TRIM66: variants seen among roughly 807,000 people sequenced by gnomAD.
TRIM66 encodes tripartite motif-containing protein 66.
A neutral mutation model predicts 148.2 loss-of-function variants in TRIM66; 99 were observed. The ratio of observed to expected loss-of-function variants is 0.67; its 90% confidence interval spans 0.57 to 0.79. TRIM66 has a LOEUF of 0.79. TRIM66 is among the 30% of genes least tolerant of loss of function. The pLI is 0.00. For synonymous variants in TRIM66, 616 were observed against 635.9 expected (o/e 0.97, Z 0.47); for missense variants, 1,666 against 1,697.9 (o/e 0.98, Z 0.33).
At position 8,621,784 on chromosome 11, in the gene TRIM66, C is replaced by A. The variant is rs560560798; in HGVS notation, c.3116G>T (p.Arg1039Leu). Residue 1039 changes from arginine (R) to leucine (L), a missense_variant, in exon 19 of 25, where the codon CGA becomes CTA. By Grantham distance (102) the Arg-to-Leu change is moderately radical (BLOSUM62 -2). Transcript: ENST00000646038. ...AGCACAGATCTTGAGTCGCTCCAGTCGCACATAGGGAATCTTATGCTCACT... is the reference window on the plus strand; with the variant it reads ...AGCACAGATCTTGAGTCGCTCCAGTAGCACATAGGGAATCTTATGCTCACT... Reference protein sequence around the residue: ...FNSEHKIPYVRLERLKICAAS... With the variant: ...FNSEHKIPYVLLERLKICAAS... The A allele has an allele frequency of 4.5e-6, 7 of 1,550,460 alleles. No individual in the cohort carries two copies. Among genetic ancestry groups the A allele is most frequent in the Non-Finnish European group, 5.2e-6 (6 of 1,146,596 alleles).
intron 6 of TRIM66, among the ~76,000 whole-genome samples, chr11:8,667,950 T>C (rs1336145518): frequency 1.3e-5 from 2 of 152,224 alleles, no homozygotes; most frequent in Non-Finnish European, 2.9e-5. Context: ...TGCTGGATCA[T>C]AGGATAATTT....
intron 18 of TRIM66, among the ~76,000 whole-genome samples, chr11:8,622,363 CACATAT>C (rs1467047196): frequency 1.8e-5 from 1 of 55,348 alleles, no homozygotes; most frequent in Non-Finnish European, 4.4e-5. Flanking sequence ...CACACACACA[CACATAT>C]ATATATATAT....
At position 8,624,868 on chromosome 11, in the gene TRIM66, C is replaced by T. The variant is rs1430631211; in HGVS notation, c.2671G>A (p.Ala891Thr). 7 of 1,551,714 alleles carry T rather than the reference C, an allele frequency of 4.5e-6. No individual in the cohort carries two copies. In the Admixed American group the frequency reaches 7.8e-5, roughly 17 times the overall value. Residue 891 changes from alanine (A) to threonine (T), a missense_variant, in exon 16 of 25, where the codon GCT (alanine) becomes ACT (threonine). By Grantham distance (58) the Ala-to-Thr change is moderately conservative. Coordinates refer to ENST00000646038, the MANE Select transcript of TRIM66 (RefSeq NM_001388022.1). ...GPSLMSGHTQ[A>T]VPSLATCPLQ... ...GGACAAGTTGCCAGACTCGGCACAG[C>T]CTGGGTGTGACCAGACATTAGGCTG...
At chr11:8,657,580 C>T (rs2133345090) in intron 6 of TRIM66, among the ~76,000 whole-genome samples, 1 of 152,270 alleles carries the variant, frequency 6.6e-6, no homozygotes, top group Non-Finnish European at 1.5e-5. Flanking sequence ...GATGCTCTAC[C>T]TCCCTATGCC....
In TRIM66 at chr11:8,614,764, G is replaced by C. The variant is rs2141748561; in HGVS notation, c.*3180C>G. On this transcript the variant is annotated 3_prime_UTR_variant, in exon 25 of 25. Coordinates refer to ENST00000646038, the MANE Select transcript of TRIM66 (RefSeq NM_001388022.1). ...AGGGAGGGAGCCAGAGTCCGCTGGT[G>C]GGGGATGGCAGGGACTGCCATGGAA... 1 of 152,598 alleles carries C rather than the reference G, an allele frequency of 6.6e-6. No individual in the cohort carries two copies. The highest frequency in any genetic ancestry group is 1.9e-4 in the East Asian group (1 of 5,202). 9.5% of individuals were successfully genotyped at this position (152,598 alleles called of 1,614,324 possible). A position where few individuals can be genotyped will look rare whatever the true frequency, so the allele number is the denominator to read the frequency against.
chr11:8,625,384 A>C (rs1042496716), intron 15 of TRIM66, among the ~76,000 whole-genome samples, 156 bp from the exon 16 acceptor site: 1 of 152,072 alleles, frequency 6.6e-6, no homozygotes, highest in Non-Finnish European at 1.5e-5. Context: ...CAGGCAATGC[A>C]TGAAGCCCTG....
rs1489332398 is a variant in TRIM66, at chr11:8,638,735, C to T, written c.2229G>A (p.Gln743=). The T allele has an allele frequency of 6.5e-7, 1 of 1,550,288 alleles. No individual in the cohort carries two copies. Among genetic ancestry groups the T allele is most frequent in the Admixed American group, 2.0e-5 (1 of 50,792 alleles). Residue 743 remains glutamine (Q), a synonymous_variant, in exon 15 of 25, where the codon CAG becomes CAA. Coordinates refer to ENST00000646038, the MANE Select transcript of TRIM66 (RefSeq NM_001388022.1). ...TGAGAGGGGTTTCTTCCCCAGACGC[C>T]TGGGGCAAGGCAGCAGCAGTATTCT... is the stretch of plus-strand genomic sequence containing the variant. ...LDKNTAAALP[Q]ASGEETPLSV...
rs1036773751 is a variant in TRIM66 at position 8,621,435 on chromosome 11, G to A, written c.3256-114C>T. 24 of 1,399,424 alleles carry A rather than the reference G, an allele frequency of 1.7e-5. 1 individual carries two copies. In the South Asian group the frequency reaches 2.5e-4, roughly 15 times the overall value. 86.7% of individuals were successfully genotyped at this position (1,399,424 alleles called of 1,614,324 possible). Reference sequence around the variant, plus strand: ...CCTACATGAGAGCCACTTATTCCAGGACCCCAAGCCAGCAAGCCCCATGAA... The same window carrying A: ...CCTACATGAGAGCCACTTATTCCAGAACCCCAAGCCAGCAAGCCCCATGAA... On this transcript the variant is annotated intron_variant, in intron 19 of 24. Coordinates refer to ENST00000646038, the MANE Select transcript of TRIM66 (RefSeq NM_001388022.1).
rs2033469249 is a variant in TRIM66, at chr11:8,612,678, C to T, written c.*5266G>A. The stretch of plus-strand genomic sequence containing the variant: ...GCCCTGATATAAGGAGTCATGCTGA[C>T]TCCAGCTGAGCCCCAGCAAGGGAGC... On this transcript the variant is annotated 3_prime_UTR_variant, in exon 25 of 25. Coordinates refer to ENST00000646038, the MANE Select transcript of TRIM66 (RefSeq NM_001388022.1). 1 of 152,244 alleles carries T rather than the reference C, an allele frequency of 6.6e-6. No homozygotes were observed. Among genetic ancestry groups the T allele is most frequent in the African/African-American group, 2.4e-5 (1 of 41,442 alleles). The allele number at this position is 152,244 out of a possible 1,614,324, so 9.4% of individuals were successfully genotyped here. A position where few individuals can be genotyped will look rare whatever the true frequency, so the allele number is the denominator to read the frequency against.
chr11:8,632,406 G>A (rs141982726), intron 15 of TRIM66, among the ~76,000 whole-genome samples: 85 of 151,566 alleles, frequency 5.6e-4, no homozygotes, highest in African/African-American at 2.0e-3. Context: ...GAATCAGATG[G>A]CTGAGGAAGG....
At chr11:8,675,383 G>C (rs901967149) in intron 3 of TRIM66, among the ~76,000 whole-genome samples, 2 of 152,274 alleles carry the variant, frequency 1.3e-5, no homozygotes, top group East Asian at 3.9e-4. Context: ...CAGTTTGTCT[G>C]CCAGTTATTC....
intron 6 of TRIM66, among the ~76,000 whole-genome samples, chr11:8,654,149 A>G (rs923268835): frequency 6.6e-6 from 1 of 152,256 alleles, no homozygotes; most frequent in African/African-American, 2.4e-5. Flanking sequence ...GAATAGGTCA[A>G]ACAAGGCCTC....
chr11:8,640,842 C>G lies in TRIM66; in HGVS notation c.1533G>C (p.Leu511=). The G allele has an allele frequency of 6.4e-7, 1 of 1,550,402 alleles. No homozygotes were observed. The highest frequency in any genetic ancestry group is 8.7e-7 in the Non-Finnish European group (1 of 1,146,966). The change falls in exon 14 of 25, where the codon CTG becomes CTC. Residue 511 remains leucine (L), a synonymous_variant. Transcript: ENST00000646038. Reference sequence around the variant, plus strand: ...AGGCCAGCTCTTTCTCCCTGGGCAGCAGGGCAGAGCACTGCAGAGACCCCA... The same window carrying G: ...AGGCCAGCTCTTTCTCCCTGGGCAGGAGGGCAGAGCACTGCAGAGACCCCA... ...QQLGSLQCSA[L]LPREKELACS... is the part of the protein sequence containing the mutation.
intron 4 of TRIM66, among the ~76,000 whole-genome samples, chr11:8,674,378 CATTT>C (rs149180904): frequency 1.3e-5 from 2 of 151,578 alleles, no homozygotes; most frequent in Admixed American, 1.3e-4. Context: ...TCCTTTTTTC[CATTT>C]ATTTATTTAT....
chr11:8,653,648 A>C (rs2037555689), intron 6 of TRIM66, among the ~76,000 whole-genome samples: 1 of 152,210 alleles, frequency 6.6e-6, no homozygotes, highest in Non-Finnish European at 1.5e-5. Flanking sequence ...GTAGAATCAT[A>C]AAATAAATAA....
chr11:8,644,444 A>G, intron 12 of TRIM66: 1 of 454,764 alleles, frequency 2.2e-6, no homozygotes, highest in South Asian at 1.6e-5. Context: ...TTCACAGAGA[A>G]AAAAAAGACA....
intron 3 of TRIM66, among the ~76,000 whole-genome samples, chr11:8,677,244 A>G (rs1275416515): frequency 6.6e-6 from 1 of 152,212 alleles, no homozygotes; most frequent in East Asian, 1.9e-4. Flanking sequence ...AGGCTGTGTT[A>G]TATGTGATAT....
In TRIM66 at chr11:8,622,365, C is replaced by CACACACACATATATATAT; in HGVS notation, c.3080+450_3080+451insATATATATATGTGTGTGT. Among the ~76,000 whole-genome samples, 7 of 59,608 alleles carry CACACACACATATATATAT rather than the reference C, an allele frequency of 1.2e-4. 2 individuals carry two copies. The highest frequency in any genetic ancestry group is 5.4e-4 in the South Asian group (1 of 1,836). 39.1% of individuals were successfully genotyped at this position (59,608 alleles called of 152,430 possible). ...ACACACACACACACACACACACACA[C>CACACACACATATATATAT]ATATATATATATATATATCTCCTAC... On this transcript the variant is annotated intron_variant, in intron 18 of 24. Coordinates refer to ENST00000646038, the MANE Select transcript of TRIM66 (RefSeq NM_001388022.1).
At chr11:8,637,927 T>C (rs913260478) in intron 15 of TRIM66, among the ~76,000 whole-genome samples, 3 of 152,094 alleles carry the variant, frequency 2.0e-5, no homozygotes, top group Non-Finnish European at 4.4e-5. Flanking sequence ...GGGGCAGAGG[T>C]GAGAATAGAT....
Sources: gnomAD v4.1 joint callset for allele counts (sites outside exome capture counted in the v4.1 genomes callset) on GRCh38, gnomAD v4.1.1 for gene constraint, MANE v1.5 for transcripts, NCBI Gene and HGNC (gene_info 2026-07-23, HGNC 2026-07-21) for gene names.